ARHGAP6: variants seen among roughly 807,000 people sequenced by gnomAD.
ARHGAP6 encodes Rho GTPase activating protein 6, also known as rho GTPase-activating protein 6.
Under a neutral mutation model 55.7 loss-of-function variants are expected in ARHGAP6, and 16 were observed. The ratio of observed to expected loss-of-function variants is 0.29; its 90% CI spans 0.19 to 0.44. The LOEUF is 0.44. ARHGAP6 is among the 20% of genes least tolerant of loss of function. The pLI, the probability that ARHGAP6 is intolerant of heterozygous loss-of-function variation, is 1.00. For missense variants in ARHGAP6, 698 were observed against 808.9 expected, an observed-to-expected ratio of 0.86 and a Z score of 1.66; for synonymous variants, 382 against 360.9, an observed-to-expected ratio of 1.06 and a Z score of -0.66.
At chrX:11,328,451 T>C (rs1259375350) in intron 1 of ARHGAP6, among the ~76,000 whole-genome samples, 1 of 112,185 alleles carries the variant, frequency 8.9e-6, no homozygotes, top group Non-Finnish European at 1.9e-5. Flanking sequence ...GGGATAAAAA[T>C]CTCACTCTAC....
chrX:11,408,927 GCACA>G (rs894162413), intron 1 of ARHGAP6, among the ~76,000 whole-genome samples: 3 of 105,680 alleles, frequency 2.8e-5, no homozygotes, highest in African/African-American at 1.0e-4. Flanking sequence ...ACACACACAC[GCACA>G]CACACACACG....
chrX:11,560,089 T>C (rs951357001), intron 1 of ARHGAP6, among the ~76,000 whole-genome samples: 2 of 110,602 alleles, frequency 1.8e-5, no homozygotes, highest in Admixed American at 9.6e-5. Context: ...TCCCTACAAC[T>C]TCAGAGAAGA....
At chrX:11,303,160 C>T (rs2048191654) in intron 1 of ARHGAP6, among the ~76,000 whole-genome samples, 2 of 112,686 alleles carry the variant, frequency 1.8e-5, no homozygotes, top group Non-Finnish European at 3.7e-5. Context: ...CTCCACATTG[C>T]TTTAATAAAA....
intron 1 of ARHGAP6, among the ~76,000 whole-genome samples, chrX:11,472,319 A>C (rs948806204): frequency 1.8e-4 from 20 of 112,078 alleles, no homozygotes; most frequent in African/African-American, 5.8e-4. Context: ...CCACTGACAT[A>C]AATGAATTCA....
chrX:11,429,652 T>C (rs1255809237), intron 1 of ARHGAP6, among the ~76,000 whole-genome samples: 10 of 112,253 alleles, frequency 8.9e-5, no homozygotes, highest in African/African-American at 2.6e-4. Flanking sequence ...TACCCAAGTC[T>C]CCTTTCTTCT....
At chrX:11,222,616 G>A (rs1462504360) in intron 2 of ARHGAP6, among the ~76,000 whole-genome samples, 6 of 111,859 alleles carry the variant, frequency 5.4e-5, no homozygotes, top group South Asian at 3.6e-4. Flanking sequence ...GTTTTTAAGT[G>A]TATTTCTTTA....
intron 1 of ARHGAP6, among the ~76,000 whole-genome samples, chrX:11,423,362 G>A (rs1251063193): frequency 1.8e-5 from 2 of 112,726 alleles, no homozygotes; most frequent in African/African-American, 3.2e-5. Flanking sequence ...GAGAACAAAC[G>A]TGGAAACTTT....
At chrX:11,564,457 C>T (rs1408052889) in intron 1 of ARHGAP6, among the ~76,000 whole-genome samples, 2 of 110,339 alleles carry the variant, frequency 1.8e-5, no homozygotes, top group Non-Finnish European at 3.8e-5. Context: ...TTTGACTTAT[C>T]CAACAGAACT....
rs1310927380 is a variant in ARHGAP6, at chrX:11,289,545, A to T, written c.589-34838T>A. On this transcript the variant is annotated intron_variant, in intron 1 of 12. Coordinates refer to ENST00000337414, the MANE Select transcript of ARHGAP6 (RefSeq NM_013427.3). ...AGGGAGAAAAAAATTAGAGAAGGGGACTTTAAAAAATCTATTTTTCCACTT... is the reference window on the plus strand; with the variant it reads ...AGGGAGAAAAAAATTAGAGAAGGGGTCTTTAAAAAATCTATTTTTCCACTT... Among the ~76,000 whole-genome samples the T allele has an allele frequency of 2.7e-5, 3 of 111,868 alleles. No individual in the cohort carries two copies. The East Asian group carries it at 8.4e-4, about 31-fold the overall frequency.
chrX:11,523,863 G>A (rs1030586778), intron 1 of ARHGAP6, among the ~76,000 whole-genome samples: 4 of 111,192 alleles, frequency 3.6e-5, no homozygotes, highest in South Asian at 3.8e-4. Context: ...CAGGAATGGC[G>A]GTATAATGGG....
At chrX:11,375,778 A>G (rs1425141529) in intron 1 of ARHGAP6, among the ~76,000 whole-genome samples, 1 of 112,253 alleles carries the variant, frequency 8.9e-6, no homozygotes, top group East Asian at 2.8e-4. Context: ...AGAATTCTGC[A>G]TGAGAGCAAG....
chrX:11,404,825 T>C (rs1234820998), intron 1 of ARHGAP6, among the ~76,000 whole-genome samples: 1 of 112,249 alleles, frequency 8.9e-6, no homozygotes, highest in Non-Finnish European at 1.9e-5. Flanking sequence ...CCTGGATAGC[T>C]CAGGGTTAAC....
chrX:11,567,566 A>AAAATATATATATATATAT (rs1440758737), intron 1 of ARHGAP6, among the ~76,000 whole-genome samples: 5 of 84,401 alleles, frequency 5.9e-5, no homozygotes, highest in African/African-American at 2.4e-4. Context: ...AAAAAAAAAA[A>AAAATATATATATATATAT]ATATATATAT....
chrX:11,664,876 G>C lies in ARHGAP6; in HGVS notation c.-48C>G. 9.1e-7 allele frequency: 1 copy of C among 1,104,176 alleles called. No individual in the cohort carries two copies. The highest frequency in any genetic ancestry group is 1.2e-6 in the Non-Finnish European group (1 of 831,766). The allele number at this position is 1,104,176 out of a possible 1,213,427, so 91.0% of individuals were successfully genotyped here. A position where few individuals can be genotyped will look rare whatever the true frequency, so the allele number is the denominator to read the frequency against. ...ACCACCTCCTCCTCCCTCCCTGGAC[G>C]CTGGTGGCTTTGGGTCGGGAACCGA... On this transcript the variant is annotated 5_prime_UTR_variant, in exon 1 of 13. Coordinates refer to ENST00000337414, the MANE Select transcript of ARHGAP6 (RefSeq NM_013427.3).
At chrX:11,586,554 A>G (rs1435958783) in intron 1 of ARHGAP6, among the ~76,000 whole-genome samples, 1 of 111,834 alleles carries the variant, frequency 8.9e-6, no homozygotes, top group Non-Finnish European at 1.9e-5. Flanking sequence ...TACCAGTACC[A>G]TGCTGTTTTG....
At chrX:11,285,082 C>T (rs1448148815) in intron 1 of ARHGAP6, among the ~76,000 whole-genome samples, 2 of 110,478 alleles carry the variant, frequency 1.8e-5, no homozygotes, top group African/African-American at 3.3e-5. Context: ...ATAATGAATT[C>T]GAGCTGATCC....
intron 1 of ARHGAP6, among the ~76,000 whole-genome samples, chrX:11,320,766 T>TACAC (rs56815077): frequency 0.12 from 10,128 of 85,484 alleles, 722 homozygotes; most frequent in East Asian, 0.37. Flanking sequence ...AATATCTCTT[T>TACAC]ACACACACAC....
At chrX:11,226,016 T>G (rs2147427851) in intron 2 of ARHGAP6, among the ~76,000 whole-genome samples, 1 of 110,251 alleles carries the variant, frequency 9.1e-6, no homozygotes, top group African/African-American at 3.3e-5. Flanking sequence ...TTTTTTTAAT[T>G]ATCCTTTAAG....
At chrX:11,497,016 T>C (rs985031690) in intron 1 of ARHGAP6, among the ~76,000 whole-genome samples, 2 of 111,758 alleles carry the variant, frequency 1.8e-5, no homozygotes, top group African/African-American at 6.5e-5. Context: ...CTGTTTATTT[T>C]CTCTGCTATG....
Sources: allele counts gnomAD v4.1 joint callset (sites outside exome capture counted in the v4.1 genomes callset), GRCh38; gene constraint gnomAD v4.1.1; transcripts MANE v1.5; gene names NCBI Gene and HGNC (gene_info 2026-07-23, HGNC 2026-07-21).